Variants in ESR1 observed in about 807,000 individuals in gnomAD.
ESR1 encodes estrogen receptor.
In ESR1, 12 loss-of-function variants were observed where a neutral mutation model predicts 52.7. The ratio of observed to expected loss-of-function variants is 0.23; its 90% confidence interval spans 0.15 to 0.37. The LOEUF (loss-of-function observed/expected upper bound fraction) is 0.37, where lower values mean the gene tolerates loss of function less well. Among genes scored for constraint, ESR1 ranks in the 10% least tolerant of loss-of-function variants. ESR1 has a pLI of 1.00. For synonymous variants in ESR1, 305 were observed against 316.8 expected (o/e 0.96, Z 0.39); for missense variants, 584 against 779.7 (o/e 0.75, Z 2.99).
intron 5 of ESR1, among the ~76,000 whole-genome samples, chr6:152,014,098 C>T (rs1443402073): frequency 6.6e-6 from 1 of 152,110 alleles, no homozygotes; most frequent in Non-Finnish European, 1.5e-5. Context: ...CTCTCTCTTC[C>T]CCGTTGCCAT....
At chr6:151,905,358 G>A (rs1797277653) in intron 3 of ESR1, among the ~76,000 whole-genome samples, 2 of 152,320 alleles carry the variant, frequency 1.3e-5, no homozygotes, top group Non-Finnish European at 2.9e-5. Flanking sequence ...GCGAGAGGCA[G>A]TAAACACACC....
At position 151,850,114 on chromosome 6, in the gene ESR1, T is replaced by TTATATATATATTATTTTATATGCA; in HGVS notation, c.643+7338_643+7339insTATTTTATATGCATATATATATAT. On this transcript the variant is annotated intron_variant, in intron 2 of 7. Coordinates refer to ENST00000206249, the MANE Select transcript of ESR1 (RefSeq NM_000125.4). Reference sequence around the variant, plus strand: ...TATAATTTTATATATATATACAAAATTATATATATATGTCTGGTACAGGCT... The same window carrying TTATATATATATTATTTTATATGCA: ...TATAATTTTATATATATATACAAAATTATATATATATTATTTTATATGCATATATATATATGTCTGGTACAGGCT... Among the ~76,000 whole-genome samples the TTATATATATATTATTTTATATGCA allele has an allele frequency of 5.7e-5, 2 of 35,056 alleles. 1 individual carries two copies. The highest frequency in any genetic ancestry group is 1.5e-3 in the East Asian group (2 of 1,338). 23.0% of individuals were successfully genotyped at this position (35,056 alleles called of 152,430 possible).
At chr6:151,896,454 T>C (rs1270378395) in intron 3 of ESR1, among the ~76,000 whole-genome samples, 1 of 152,158 alleles carries the variant, frequency 6.6e-6, no homozygotes, top group Non-Finnish European at 1.5e-5. Flanking sequence ...CTCTTCTAGG[T>C]TTTCTAGTTT....
intron 1 of ESR1, among the ~76,000 whole-genome samples, chr6:151,835,546 A>G (rs1002551772): frequency 3.9e-5 from 6 of 152,244 alleles, no homozygotes; most frequent in African/African-American, 1.4e-4. Context: ...TACGTATCTA[A>G]GAATGCAAAG....
chr6:151,961,052 G>A (rs1178129167), intron 4 of ESR1, among the ~76,000 whole-genome samples: 5 of 152,212 alleles, frequency 3.3e-5, no homozygotes, highest in African/African-American at 9.7e-5. Flanking sequence ...AATCAGTTCA[G>A]TGTTGGCTAT....
At chr6:151,717,916 A>C (rs1414168619) in intron 2 of ESR1, among the ~76,000 whole-genome samples, 1 of 152,244 alleles carries the variant, frequency 6.6e-6, no homozygotes, top group Non-Finnish European at 1.5e-5. Context: ...TAAATCAGTA[A>C]TTCTCAAGGA....
At chr6:151,880,545 A>G in intron 2 of ESR1, 110 bp from the exon 3 acceptor site, 1 of 782,214 alleles carries the variant, frequency 1.3e-6, no homozygotes, top group South Asian at 1.3e-5. Flanking sequence ...GGAGCAACAT[A>G]GTAAGGCTGA....
At chr6:151,985,750 C>T (rs2040426103) in intron 4 of ESR1, among the ~76,000 whole-genome samples, 1 of 152,004 alleles carries the variant, frequency 6.6e-6, no homozygotes. Context: ...TCACTGCAAC[C>T]TCCGCCTCCT....
rs367932720 is a variant in ESR1 at position 152,067,561 on chromosome 6, A to C, written c.1369+6437A>C. On this transcript the variant is annotated intron_variant, in intron 6 of 7. Transcript: ENST00000206249. Reference sequence around the variant, plus strand: ...TTAAGTTTGAATAATGTATGGACCCAGTTTAAAAGGAAAAAATGCTTTGGG... The same window carrying C: ...TTAAGTTTGAATAATGTATGGACCCCGTTTAAAAGGAAAAAATGCTTTGGG... 7.9e-5 allele frequency among the ~76,000 whole-genome samples: 12 copies of C among 152,300 alleles called. No homozygotes were observed. In the South Asian group the frequency reaches 2.5e-3, roughly 32 times the overall value.
chr6:151,772,968 CTGTTA>C (rs1351953478), intron 2 of ESR1, among the ~76,000 whole-genome samples: 2 of 152,174 alleles, frequency 1.3e-5, no homozygotes, highest in South Asian at 2.1e-4. Context: ...TAAAATCTCT[CTGTTA>C]TAAGTTGAAT....
intron 6 of ESR1, among the ~76,000 whole-genome samples, chr6:152,091,852 A>C (rs2050208729): frequency 6.6e-6 from 1 of 152,150 alleles, no homozygotes; most frequent in African/African-American, 2.4e-5. Flanking sequence ...GAAAGGGATT[A>C]TTGGTGAATG....
chr6:152,109,062 G>A lies in ESR1; in HGVS notation c.851-16204G>A, dbSNP rs7746373. 7.8e-3 allele frequency among the ~76,000 whole-genome samples: 1,193 copies of A among 152,232 alleles called. 21 individuals are homozygous for A. The highest frequency in any genetic ancestry group is 0.028 in the African/African-American group (1,144 of 41,544). ...TACTTTGCCAGGAGGAGAAGGCAGA[G>A]GGAGGTGGGGAGGCGCTACACACTT... On this transcript the variant is annotated intron_variant, in intron 6 of 6. Coordinates refer to the ESR1 transcript ENST00000427531.
At chr6:151,791,359 T>A (rs1232162449) in intron 2 of ESR1, among the ~76,000 whole-genome samples, 4 of 152,128 alleles carry the variant, frequency 2.6e-5, no homozygotes, top group African/African-American at 7.2e-5. Flanking sequence ...AAATGGGAGT[T>A]CTCTTTCACG....
At chr6:151,958,046 T>A (rs745324950) in intron 4 of ESR1, among the ~76,000 whole-genome samples, 6 of 152,222 alleles carry the variant, frequency 3.9e-5, no homozygotes, top group Non-Finnish European at 7.3e-5. Context: ...GAACTTCAGA[T>A]ACATCTGTCT....
intron 4 of ESR1, among the ~76,000 whole-genome samples, chr6:151,968,473 G>A (rs1002123200): frequency 1.3e-5 from 2 of 152,270 alleles, no homozygotes; most frequent in Non-Finnish European, 2.9e-5. Context: ...ACCATCATCA[G>A]GGTGAACAGG....
chr6:151,779,856 C>T (rs1175634516), intron 2 of ESR1, among the ~76,000 whole-genome samples: 10 of 128,928 alleles, frequency 7.8e-5, no homozygotes, highest in East Asian at 2.0e-4. Context: ...GCCGAGATCC[C>T]GCCACTGCAC....
chr6:151,749,202 A>T, intron 2 of ESR1, among the ~76,000 whole-genome samples: 1 of 152,044 alleles, frequency 6.6e-6, no homozygotes, highest in Non-Finnish European at 1.5e-5. Flanking sequence ...CAAAAAAAAA[A>T]AAAAAAGCTT....
intron 2 of ESR1, among the ~76,000 whole-genome samples, chr6:151,780,542 G>T (rs1375277172): frequency 1.3e-5 from 2 of 152,076 alleles, no homozygotes; most frequent in East Asian, 3.9e-4. Context: ...CTTGGTGTGG[G>T]GTAGCCTGGG....
chr6:151,725,464 A>G (rs774095387), intron 2 of ESR1, among the ~76,000 whole-genome samples: 4 of 152,190 alleles, frequency 2.6e-5, no homozygotes, highest in African/African-American at 9.7e-5. Flanking sequence ...ATTTGAGACT[A>G]TAGAGTTTCT....
Sources: gnomAD v4.1 joint callset for allele counts (sites outside exome capture counted in the v4.1 genomes callset) on GRCh38, gnomAD v4.1.1 for gene constraint, MANE v1.5 for transcripts, NCBI Gene and HGNC (gene_info 2026-07-23, HGNC 2026-07-21) for gene names.